WASL: variants seen among roughly 807,000 people sequenced by gnomAD.
The protein encoded by WASL is WASP like actin nucleation promoting factor, also known as actin nucleation-promoting factor WASL.
A neutral mutation model predicts 55.5 loss-of-function variants in WASL; 20 were observed. That is an observed-to-expected ratio of 0.36 (90% CI 0.25 to 0.52). The LOEUF (loss-of-function observed/expected upper bound fraction) is 0.52. Ranked by LOEUF, WASL falls within the 20% of genes least tolerant of loss-of-function variation. The pLI is 0.92. For missense variants in WASL, 504 were observed against 622.5 expected, an observed-to-expected ratio of 0.81 and a Z score of 2.03; for synonymous variants, 249 against 217.6, an observed-to-expected ratio of 1.14 and a Z score of -1.27.
At chr7:123,733,656 G>C (rs1269985067) in intron 1 of WASL, among the ~76,000 whole-genome samples, 1 of 152,104 alleles carries the variant, frequency 6.6e-6, no homozygotes, top group Non-Finnish European at 1.5e-5. Context: ...ACTCAGAATA[G>C]TCAACACAAT....
At chr7:123,708,726 C>T (rs543608936) in intron 2 of WASL, among the ~76,000 whole-genome samples, 157 of 151,714 alleles carry the variant, frequency 1.0e-3, no homozygotes, top group African/African-American at 3.7e-3. Context: ...TTTGTTGTTA[C>T]CTGAACAGAC....
chr7:123,707,555 TAGAG>T (rs1803690727), intron 2 of WASL, among the ~76,000 whole-genome samples: 1 of 152,184 alleles, frequency 6.6e-6, no homozygotes, highest in South Asian at 2.1e-4. Context: ...AATAAGTGGT[TAGAG>T]AAAGATAGTC....
intron 10 of WASL, among the ~76,000 whole-genome samples, chr7:123,685,595 C>T (rs1050564157): frequency 1.3e-5 from 2 of 151,942 alleles, no homozygotes; most frequent in African/African-American, 4.8e-5. Flanking sequence ...ATATCACTTG[C>T]TAATATCTAA....
chr7:123,748,436 G>C (rs1169908647), intron 1 of WASL, among the ~76,000 whole-genome samples, 182 bp downstream of exon 1: 4 of 151,854 alleles, frequency 2.6e-5, no homozygotes, highest in Non-Finnish European at 5.9e-5. Flanking sequence ...GCGCCCGACC[G>C]CCACGGCCCG....
At position 123,694,840 on chromosome 7, in the gene WASL, T is replaced by C. The variant is rs1182270055; in HGVS notation, c.701A>G (p.Asn234Ser). The change falls in exon 8 of 11, where the codon AAT (asparagine) becomes AGT (serine). Residue 234 changes from asparagine to serine, a missense_variant. This residue lies in a region of WASL where 17 missense variants were observed against 58.4 expected (regional missense o/e 0.29). Transcript: ENST00000223023. ...DLNNLDPELK[N>S]LFDMCGISEA... ...TGAGATTCCACACATATCGAAAAGA[T>C]TCTTCAATTCTGGATCCAAATTATT... 1 of 1,610,068 alleles carries C rather than the reference T, an allele frequency of 6.2e-7. No individual in the cohort carries two copies. The highest frequency in any genetic ancestry group is 1.7e-5 in the Admixed American group (1 of 59,276).
chr7:123,694,986 T>C, intron 7 of WASL, 118 bp from the exon 8 acceptor site: 1 of 966,768 alleles, frequency 1.0e-6, no homozygotes, highest in South Asian at 1.7e-5. Flanking sequence ...ATGCTTATAT[T>C]ACTTATGTGC....
In WASL at chr7:123,715,949, G is replaced by C. The variant is rs573032844; in HGVS notation, c.118-6726C>G. ...TGAGAGGAATACTGATCTCATTATA[G>C]ACTGGGTTATATTTGCAAATGGGTG... is the stretch of plus-strand genomic sequence containing the variant. On this transcript the variant is annotated intron_variant, in intron 1 of 10. Coordinates refer to ENST00000223023, the MANE Select transcript of WASL (RefSeq NM_003941.4). 3.9e-5 allele frequency among the ~76,000 whole-genome samples: 6 copies of C among 152,252 alleles called. No individual in the cohort carries two copies. In the South Asian group the frequency reaches 1.2e-3, roughly 32 times the overall value.
Position 123,706,314 on chromosome 7 carries a change from T to A in WASL, c.399A>T (p.Ala133=). The part of the protein sequence containing the change: ...NEEEAKKFRK[A]VTDLLGRRQR... ...GTCGACGGCCCAAAAGGTCTGTAAC[T>A]GCTTTTCGAAATTTTTTTGCTTCTT... is the stretch of plus-strand genomic sequence containing the variant. The change falls in exon 4 of 11, where the codon GCA becomes GCT. Residue 133 remains alanine (A), a synonymous_variant. Coordinates refer to ENST00000223023, the MANE Select transcript of WASL (RefSeq NM_003941.4). 6.2e-7 allele frequency: 1 copy of A among 1,613,796 alleles called. No individual in the cohort carries two copies. Among genetic ancestry groups the A allele is most frequent in the Non-Finnish European group, 8.5e-7 (1 of 1,179,828 alleles).
chr7:123,701,144 G>A (rs1331959167), intron 5 of WASL, among the ~76,000 whole-genome samples: 4 of 152,106 alleles, frequency 2.6e-5, no homozygotes, highest in African/African-American at 9.7e-5. Flanking sequence ...ACAGATGTAC[G>A]TACTGAAGTC....
At chr7:123,747,297 A>G (rs914433618) in intron 1 of WASL, among the ~76,000 whole-genome samples, 2 of 152,094 alleles carry the variant, frequency 1.3e-5, no homozygotes, top group Non-Finnish European at 2.9e-5. Context: ...GAGGGGCTTA[A>G]AGTTGTTACC....
chr7:123,715,716 A>T (rs1803831299), intron 1 of WASL, among the ~76,000 whole-genome samples: 1 of 152,228 alleles, frequency 6.6e-6, no homozygotes, highest in Non-Finnish European at 1.5e-5. Context: ...GCTACACAGC[A>T]GGCTTAGGTC....
At chr7:123,718,592 A>G (rs994922424) in intron 1 of WASL, among the ~76,000 whole-genome samples, 7 of 152,134 alleles carry the variant, frequency 4.6e-5, no homozygotes, top group Admixed American at 4.6e-4. Context: ...AAAGGGTCTC[A>G]CTATGTGGTC....
At chr7:123,694,686 A>C (rs916753010) in intron 8 of WASL, 29 bp downstream of exon 8, 2 of 1,608,874 alleles carry the variant, frequency 1.2e-6, no homozygotes, top group Non-Finnish European at 1.7e-6. Context: ...TTAAAACAAA[A>C]CAGAACGCTG....
At chr7:123,685,810 T>C (rs193288722) in intron 10 of WASL, among the ~76,000 whole-genome samples, 3 of 148,806 alleles carry the variant, frequency 2.0e-5, no homozygotes, top group South Asian at 2.1e-4. Context: ...TATCTATATA[T>C]AAAATATGTA....
At chr7:123,744,323 A>G (rs939386371) in intron 1 of WASL, among the ~76,000 whole-genome samples, 7 of 152,250 alleles carry the variant, frequency 4.6e-5, no homozygotes, top group African/African-American at 1.7e-4. Context: ...AAGCAATAAG[A>G]AACGCAGAAT....
At chr7:123,704,959 C>A (rs1001774410) in intron 4 of WASL, among the ~76,000 whole-genome samples, 6 of 152,148 alleles carry the variant, frequency 3.9e-5, no homozygotes, top group African/African-American at 1.2e-4. Flanking sequence ...TAGGGTTCCA[C>A]AGGCCATGGT....
chr7:123,729,286 C>T (rs1038175843), intron 1 of WASL, among the ~76,000 whole-genome samples: 8 of 151,990 alleles, frequency 5.3e-5, no homozygotes, highest in African/African-American at 1.9e-4. Context: ...CTTAGAAATC[C>T]AGTGTGTATT....
At chr7:123,688,283 A>G (rs1467020601) in intron 10 of WASL, among the ~76,000 whole-genome samples, 2 of 152,234 alleles carry the variant, frequency 1.3e-5, no homozygotes, top group Admixed American at 1.3e-4. Flanking sequence ...CAAACTCTAG[A>G]AACAGTAAAA....
At position 123,689,145 on chromosome 7, in the gene WASL, A is replaced by G. The variant is rs770766008; in HGVS notation, c.1353T>C (p.Ala451=). 3.7e-6 allele frequency: 6 copies of G among 1,611,926 alleles called. No individual in the cohort carries two copies. The Admixed American group carries it at 8.4e-5, about 22-fold the overall frequency. The part of the protein sequence containing the change: ...IRQGIQLKSV[A]DGQESTPPTP... The stretch of plus-strand genomic sequence containing the variant: ...TTGGTGGTGTAGACTCTTGGCCATC[A>G]GCCACCTTGGAAAAGAAAGTTAGCA... The change falls in exon 10 of 11, where the codon GCT becomes GCC. Residue 451 remains alanine (A), a synonymous_variant. Coordinates refer to ENST00000223023, the MANE Select transcript of WASL (RefSeq NM_003941.4).
Sources: allele counts gnomAD v4.1 joint callset (sites outside exome capture counted in the v4.1 genomes callset), GRCh38; gene constraint gnomAD v4.1.1; regional missense constraint gnomAD v4.1.1; transcripts MANE v1.5; gene names NCBI Gene and HGNC (gene_info 2026-07-23, HGNC 2026-07-21).